The following RGS5 variants were observed in gnomAD, a reference collection of about 807,000 sequenced individuals.
RGS5 encodes the protein regulator of G-protein signalling 5.
Under a neutral mutation model 18.9 loss-of-function variants are expected in RGS5, and 20 were observed. The ratio of observed to expected loss-of-function variants is 1.06; its 90% CI spans 0.74 to 1.54. The LOEUF is 1.54. RGS5 is among the 40% of genes most tolerant of loss of function. RGS5 has a pLI of 0.00. For synonymous variants in RGS5, 57 were observed against 76.2 expected (o/e 0.75, Z 1.31); for missense variants, 201 against 211.8 (o/e 0.95, Z 0.32).
At chr1:163,229,664 C>A (rs1647426681) in intron 2 of RGS5, among the ~76,000 whole-genome samples, 1 of 152,230 alleles carries the variant, frequency 6.6e-6, no homozygotes, top group African/African-American at 2.4e-5. Context: ...TTCCATTTCC[C>A]TGGAATGCTC....
chr1:163,163,903 G>A (rs980751828), intron 2 of RGS5, among the ~76,000 whole-genome samples: 2 of 152,150 alleles, frequency 1.3e-5, no homozygotes, highest in African/African-American at 4.8e-5. Flanking sequence ...GGTTAGTATA[G>A]AGGAGCAAAG....
upstream of RGS5, among the ~76,000 whole-genome samples, chr1:163,207,650 T>G (rs1208574939): frequency 6.6e-6 from 1 of 152,200 alleles, no homozygotes; most frequent in Non-Finnish European, 1.5e-5. Flanking sequence ...TTAAACAACT[T>G]TACTATCTGG....
At chr1:163,243,653 A>AAAAAC (rs891402278) in intron 2 of RGS5, among the ~76,000 whole-genome samples, 1 of 150,982 alleles carries the variant, frequency 6.6e-6, no homozygotes, top group Non-Finnish European at 1.5e-5. Flanking sequence ...CAAAAAAAAA[A>AAAAAC]AAAAAAAAAA....
intron 2 of RGS5, among the ~76,000 whole-genome samples, chr1:163,240,051 GT>G (rs34837921): frequency 0.2 from 29,619 of 148,892 alleles, 3,329 homozygotes; most frequent in Non-Finnish European, 0.25. Flanking sequence ...GTTTAGCAGG[GT>G]TTTTTTTTTT....
At chr1:163,240,232 CAAAT>C (rs765183386) in intron 2 of RGS5, among the ~76,000 whole-genome samples, 5 of 150,862 alleles carry the variant, frequency 3.3e-5, no homozygotes, top group Admixed American at 6.6e-5. Context: ...GAAAAATAGA[CAAAT>C]AAGTACGGAA....
intron 1 of RGS5, among the ~76,000 whole-genome samples, chr1:163,193,233 T>G (rs749299600): frequency 1.3e-5 from 2 of 152,170 alleles, no homozygotes; most frequent in Non-Finnish European, 2.9e-5. Context: ...GAGCAGCGCC[T>G]GGGGAAACAG....
chr1:163,199,043 G>C (rs1659678257), intron 1 of RGS5, among the ~76,000 whole-genome samples: 1 of 151,978 alleles, frequency 6.6e-6, no homozygotes, highest in Non-Finnish European at 1.5e-5. Flanking sequence ...ATTTAAACTT[G>C]TTTAGAGAAA....
intron 1 of RGS5, among the ~76,000 whole-genome samples, chr1:163,216,287 A>G (rs911315076): frequency 6.6e-6 from 1 of 152,082 alleles, no homozygotes; most frequent in Non-Finnish European, 1.5e-5. Flanking sequence ...TGCAAAGGCA[A>G]GAGAGGGGGA....
chr1:163,217,533 T>C, exon 1 of RGS5: 1 of 1,538,076 alleles, frequency 6.5e-7, no homozygotes, highest in Non-Finnish European at 8.7e-7. Context: ...TACATTGATA[T>C]GCCAATGAGC....
intron 1 of RGS5, among the ~76,000 whole-genome samples, chr1:163,309,481 A>T (rs1041246412): frequency 7.1e-6 from 1 of 140,798 alleles, no homozygotes; most frequent in Admixed American, 7.2e-5. Flanking sequence ...CCAGCAATAG[A>T]TTCCATCTAA....
chr1:163,288,194 T>C (rs921128265), intron 2 of RGS5, among the ~76,000 whole-genome samples: 49 of 152,208 alleles, frequency 3.2e-4, no homozygotes, highest in African/African-American at 1.1e-3. Context: ...TCCAAAAAAG[T>C]ACTGAACATA....
At chr1:163,306,750 A>C (rs930893751) in intron 1 of RGS5, among the ~76,000 whole-genome samples, 3 of 152,206 alleles carry the variant, frequency 2.0e-5, no homozygotes, top group Admixed American at 2.0e-4. Flanking sequence ...ACAAAAATAC[A>C]CACAAGAATG....
intron 1 of RGS5, among the ~76,000 whole-genome samples, chr1:163,186,462 C>T (rs190082010): frequency 9.9e-4 from 149 of 150,550 alleles, no homozygotes; most frequent in Non-Finnish European, 1.8e-3. Context: ...AGACAGGGTC[C>T]TAGCTACGCG....
intron 2 of RGS5, among the ~76,000 whole-genome samples, chr1:163,259,516 TA>T (rs1648373856): frequency 6.6e-6 from 1 of 152,044 alleles, no homozygotes; most frequent in African/African-American, 2.4e-5. Context: ...GACAGATCCA[TA>T]AACAACTCAC....
chr1:163,244,718 C>G (rs931488888), intron 2 of RGS5: 5 of 152,132 alleles, frequency 3.3e-5, no homozygotes, highest in African/African-American at 4.8e-5. Flanking sequence ...AACAGTAATA[C>G]TCCATGAAAG....
intron 1 of RGS5, among the ~76,000 whole-genome samples, chr1:163,194,281 G>A (rs1210819535): frequency 6.6e-6 from 1 of 152,078 alleles, no homozygotes; most frequent in Non-Finnish European, 1.5e-5. Context: ...TAAACATTAT[G>A]GGAAGAAAAT....
At position 163,170,293 on chromosome 1, in the gene RGS5, C is replaced by T. The variant is rs1168022954; in HGVS notation, c.45-1925G>A. On this transcript the variant is annotated intron_variant, in intron 1 of 4. Coordinates refer to ENST00000313961, the MANE Select transcript of RGS5 (RefSeq NM_003617.4). ...AATTTAGTCTTAAATACTTTTTAAC[C>T]CCTGTGCCTAGCACAATGCTTGGCA... is the stretch of plus-strand genomic sequence containing the variant. 2.0e-5 allele frequency among the ~76,000 whole-genome samples: 3 copies of T among 152,072 alleles called. No individual in the cohort carries two copies. In the East Asian group the frequency reaches 5.8e-4, roughly 29 times the overall value.
chr1:163,203,874 C>T (rs912903633), upstream of RGS5, among the ~76,000 whole-genome samples: 2 of 141,754 alleles, frequency 1.4e-5, no homozygotes, highest in Admixed American at 7.4e-5. Flanking sequence ...CTTATCTTGT[C>T]GGGGCCCAAG....
upstream of RGS5, chr1:163,202,977 C>G (rs1033232685): frequency 2.8e-6 from 2 of 707,528 alleles, no homozygotes; most frequent in Admixed American, 5.1e-5. Flanking sequence ...GTTGCTCTTC[C>G]AGCCAATCCA....
Sources: gnomAD v4.1 joint callset for allele counts (sites outside exome capture counted in the v4.1 genomes callset) on GRCh38, gnomAD v4.1.1 for gene constraint, MANE v1.5 for transcripts, NCBI Gene and HGNC (gene_info 2026-07-23, HGNC 2026-07-21) for gene names.